The following PGBD2 variants were observed in gnomAD, a reference collection of about 807,000 sequenced individuals.
PGBD2 encodes the protein piggyBac transposable element derived 2.
A neutral mutation model predicts 8.1 loss-of-function variants in PGBD2; 6 were observed. That is an observed-to-expected ratio of 0.74 (90% confidence interval 0.40 to 1.46). The LOEUF (loss-of-function observed/expected upper bound fraction) is 1.46, where lower values mean the gene tolerates loss of function less well. PGBD2 is among the 40% of genes most tolerant of loss of function. The pLI, the probability that PGBD2 is intolerant of heterozygous loss-of-function variation, is 0.02. For missense variants in PGBD2, 802 were observed against 739.0 expected, an observed-to-expected ratio of 1.09 and a Z score of -0.99; for synonymous variants, 318 against 272.2, an observed-to-expected ratio of 1.17 and a Z score of -1.66.
the PGBD2 span, among the ~76,000 whole-genome samples, chr1:248,878,461 G>A: frequency 1.3e-5 from 2 of 152,202 alleles, no homozygotes; most frequent in African/African-American, 4.8e-5. Context: ...ACAGGCGTGA[G>A]CCACCGCACC....
rs147476065 is a variant in PGBD2 at position 248,916,045 on chromosome 1, C to T, written c.18-557C>T. On this transcript the variant is annotated intron_variant, in intron 2 of 2. Coordinates refer to ENST00000329291, the MANE Select transcript of PGBD2 (RefSeq NM_170725.3). ...AGGGACCCTCTGCTTTAGAGTACAT[C>T]GTTTAAGAAGGAAAGGAAGTAGGTA... Among the ~76,000 whole-genome samples the T allele has an allele frequency of 3.7e-4, 56 of 152,232 alleles. 3 individuals carry two copies. The East Asian group carries it at 6.6e-3, about 18-fold the overall frequency.
the PGBD2 span, among the ~76,000 whole-genome samples, chr1:248,878,240 C>T: frequency 1.7e-4 from 26 of 151,076 alleles, no homozygotes; most frequent in African/African-American, 5.3e-4. Context: ...AGTGCAGGGG[C>T]GCAATCTCGG....
At chr1:248,919,579 A>AT (rs138801981), downstream of PGBD2, 2,739 of 166,426 alleles carry the variant, frequency 0.016, 84 homozygotes, top group African/African-American at 0.062. Flanking sequence ...CAATATACTG[A>AT]TTTTTTTTTC....
At chr1:248,903,435 C>A (rs115325993), upstream of PGBD2, among the ~76,000 whole-genome samples, 755 of 152,276 alleles carry the variant, frequency 5.0e-3, 11 homozygotes, top group African/African-American at 0.018. Flanking sequence ...GCGATTCTCC[C>A]ACCTCAGGCT....
chr1:248,894,709 T>TCTTGCTTG, the PGBD2 span, among the ~76,000 whole-genome samples: 1 of 148,090 alleles, frequency 6.8e-6, no homozygotes, highest in African/African-American at 2.5e-5. Flanking sequence ...CTCCTTTCTT[T>TCTTGCTTG]CTTGCTTGCT....
intron 1 of PGBD2, among the ~76,000 whole-genome samples, chr1:248,911,834 C>T (rs1661902186): frequency 6.6e-6 from 1 of 151,844 alleles, no homozygotes; most frequent in African/African-American, 2.4e-5. Context: ...TGCTCTACTT[C>T]CTCTGTCCAC....
At chr1:248,883,451 T>C in the PGBD2 span, among the ~76,000 whole-genome samples, 1 of 151,986 alleles carries the variant, frequency 6.6e-6, no homozygotes, top group Non-Finnish European at 1.5e-5. Context: ...GAGTTATTTG[T>C]TTTTTGCTTG....
At chr1:248,906,757 C>A (rs899692140) in intron 1 of PGBD2, among the ~76,000 whole-genome samples, 1 of 150,808 alleles carries the variant, frequency 6.6e-6, no homozygotes, top group East Asian at 1.9e-4. Context: ...GGCTCTGTGC[C>A]GGGGCGCGCT....
upstream of PGBD2, among the ~76,000 whole-genome samples, chr1:248,906,005 G>C (rs551917904): frequency 5.9e-4 from 90 of 152,268 alleles, no homozygotes; most frequent in African/African-American, 2.0e-3. Context: ...AGGAAGGAGC[G>C]AGGAAGGTTT....
the PGBD2 span, among the ~76,000 whole-genome samples, chr1:248,926,598 C>T: frequency 7.2e-5 from 11 of 152,186 alleles, no homozygotes; most frequent in African/African-American, 2.7e-4. Context: ...TTCCAGAAAG[C>T]TAAATGCCTT....
Position 248,917,629 on chromosome 1 carries a change from T to A in PGBD2, c.1045T>A (p.Phe349Ile), listed in dbSNP as rs1362399513. ...QERGFLPYHIFFDKVFTSVKL... is the reference protein window; with the variant it reads ...QERGFLPYHIIFDKVFTSVKL... ...GCGTGGTTTTCTGCCATATCACATATTTTTTGACAAGGTTTTCACAAGTGT... is the reference window on the plus strand; with the variant it reads ...GCGTGGTTTTCTGCCATATCACATAATTTTTGACAAGGTTTTCACAAGTGT... The change falls in exon 3 of 3, where the codon TTT (phenylalanine) becomes ATT (isoleucine). Residue 349 changes from phenylalanine (F) to isoleucine (I), a missense_variant. Physicochemically the swap from Phe to Ile is conservative, Grantham distance 21. Coordinates refer to ENST00000329291, the MANE Select transcript of PGBD2 (RefSeq NM_170725.3). 3 of 1,614,082 alleles carry A rather than the reference T, an allele frequency of 1.9e-6. No homozygotes were observed. Among genetic ancestry groups the A allele is most frequent in the African/African-American group, 2.7e-5 (2 of 74,918 alleles).
the PGBD2 span, among the ~76,000 whole-genome samples, chr1:248,900,293 A>T: frequency 6.6e-6 from 1 of 152,282 alleles, no homozygotes; most frequent in East Asian, 1.9e-4. Flanking sequence ...ACAACAAAAA[A>T]ACAGAAATCA....
chr1:248,926,946 C>T, the PGBD2 span, among the ~76,000 whole-genome samples: 24 of 152,274 alleles, frequency 1.6e-4, no homozygotes, highest in Admixed American at 5.2e-4. Context: ...CCCACAACCC[C>T]GAGCATACTG....
chr1:248,926,488 C>T, the PGBD2 span, among the ~76,000 whole-genome samples: 292 of 152,264 alleles, frequency 1.9e-3, 2 homozygotes, highest in African/African-American at 6.4e-3. Flanking sequence ...TTCTCGTCTA[C>T]GTCCTTCACT....
the PGBD2 span, among the ~76,000 whole-genome samples, chr1:248,895,069 T>C: frequency 6.6e-6 from 1 of 152,172 alleles, no homozygotes; most frequent in Admixed American, 6.5e-5. Context: ...CCTCCCAAAG[T>C]GTTGGAATTA....
chr1:248,904,348 C>G (rs563424067), upstream of PGBD2, among the ~76,000 whole-genome samples: 5 of 151,606 alleles, frequency 3.3e-5, no homozygotes, highest in African/African-American at 1.2e-4. Context: ...ACATTGTTTT[C>G]AAAGATTTGA....
At chr1:248,873,561 T>C in the PGBD2 span, among the ~76,000 whole-genome samples, 5 of 152,212 alleles carry the variant, frequency 3.3e-5, no homozygotes, top group African/African-American at 1.2e-4. Context: ...GGTGAGGCGG[T>C]AGCTCGAGCT....
At chr1:248,888,595 T>G in the PGBD2 span, among the ~76,000 whole-genome samples, 1 of 152,186 alleles carries the variant, frequency 6.6e-6, no homozygotes, top group East Asian at 1.9e-4. Flanking sequence ...AGTTGTTTTT[T>G]GCTTGTTGAT....
At position 248,918,237 on chromosome 1, in the gene PGBD2, G is replaced by A; in HGVS notation, c.1653G>A (p.Gly551=). The A allele has an allele frequency of 6.2e-7, 1 of 1,614,086 alleles. No individual in the cohort carries two copies. Among genetic ancestry groups the A allele is most frequent in the Non-Finnish European group, 8.5e-7 (1 of 1,179,958 alleles). ...LETESRFDMI[G]HWIIHQDKRT... is the part of the protein sequence containing the mutation. ...CTGAGAGCCGCTTCGATATGATTGG[G>A]CACTGGATTATCCATCAGGACAAGA... Residue 551 remains glycine, a synonymous_variant, in exon 3 of 3, where the codon GGG becomes GGA. Transcript: ENST00000329291.
Sources: allele counts gnomAD v4.1 joint callset (sites outside exome capture counted in the v4.1 genomes callset), GRCh38; gene constraint gnomAD v4.1.1; transcripts MANE v1.5; gene names NCBI Gene and HGNC (gene_info 2026-07-23, HGNC 2026-07-21).